The following NRXN1 variants were observed in gnomAD, a reference collection of about 807,000 sequenced individuals.
NRXN1 encodes neurexin 1.
NRXN1 carries 39 observed loss-of-function variants against 150.9 expected under a neutral mutation model. The ratio of observed to expected loss-of-function variants is 0.26; its 90% CI spans 0.20 to 0.34. NRXN1 has a LOEUF of 0.34. Ranked by LOEUF, NRXN1 falls within the 10% of genes least tolerant of loss-of-function variation. NRXN1 has a pLI of 1.00. For missense variants in NRXN1, 1,815 were observed against 1,949.9 expected (o/e 0.93, Z 1.30); for synonymous variants, 924 against 757.0 (o/e 1.22, Z -3.62).
chr2:50,858,458 A>G (rs1170155448), intron 5 of NRXN1, among the ~76,000 whole-genome samples: 1 of 152,046 alleles, frequency 6.6e-6, no homozygotes, highest in Non-Finnish European at 1.5e-5. Context: ...ATTTAAGTTG[A>G]GTAACAGCTT....
rs533493757 is a variant in NRXN1, at chr2:50,614,055, T to C, written c.1320+5967A>G. On this transcript the variant is annotated intron_variant, in intron 8 of 22. Coordinates refer to ENST00000401669, the MANE Select transcript of NRXN1 (RefSeq NM_001330078.2). ...GTGAAGTGGGAAAGCAAAAAGCAAC[T>C]GTCTTCCCGAAAGAGTGAGGGATGA... is the stretch of plus-strand genomic sequence containing the variant. 4.6e-5 allele frequency among the ~76,000 whole-genome samples: 7 copies of C among 152,278 alleles called. No individual in the cohort carries two copies. The South Asian group carries it at 1.5e-3, about 32-fold the overall frequency.
chr2:50,593,957 C>A (rs1014620644), intron 8 of NRXN1, among the ~76,000 whole-genome samples: 3 of 152,158 alleles, frequency 2.0e-5, no homozygotes, highest in Non-Finnish European at 4.4e-5. Context: ...TATTAATAAA[C>A]ATTGATACAT....
chr2:50,217,148 A>T (rs1036450566), intron 18 of NRXN1, among the ~76,000 whole-genome samples: 1 of 152,122 alleles, frequency 6.6e-6, no homozygotes, highest in Admixed American at 6.6e-5. Flanking sequence ...TAGCAAAAAC[A>T]GCACCTCCTA....
In NRXN1 at chr2:50,985,059, G is replaced by T. The variant is rs376170042; in HGVS notation, c.772+42443C>A. On this transcript the variant is annotated intron_variant, in intron 2 of 22. Transcript: ENST00000401669. ...CAGAATATATACTTTTTAAGATCCA[G>T]AAGAGTGCTAGAAAACAAATGACAG... is the stretch of plus-strand genomic sequence containing the variant. Among the ~76,000 whole-genome samples the T allele has an allele frequency of 4.4e-4, 67 of 151,978 alleles. 3 individuals are homozygous for T. In the South Asian group the frequency reaches 0.014, roughly 32 times the overall value.
chr2:50,419,582 G>A (rs868262965), intron 17 of NRXN1, among the ~76,000 whole-genome samples: 1 of 151,888 alleles, frequency 6.6e-6, no homozygotes, highest in Non-Finnish European at 1.5e-5. Context: ...AAAAAGAAAG[G>A]AAGGGAGGCA....
At chr2:50,839,504 T>C (rs1284524568) in intron 5 of NRXN1, among the ~76,000 whole-genome samples, 3 of 152,154 alleles carry the variant, frequency 2.0e-5, no homozygotes, top group African/African-American at 7.2e-5. Flanking sequence ...CTGATGTTAC[T>C]TGTAGGAACA....
intron 5 of NRXN1, among the ~76,000 whole-genome samples, chr2:50,907,726 G>A (rs1291074082): frequency 6.6e-6 from 1 of 151,934 alleles, no homozygotes; most frequent in Non-Finnish European, 1.5e-5. Flanking sequence ...AAGGAATATA[G>A]GCAGCCTCAA....
intron 5 of NRXN1, among the ~76,000 whole-genome samples, chr2:50,821,736 C>T (rs1021193563): frequency 7.2e-5 from 11 of 151,810 alleles, no homozygotes; most frequent in Admixed American, 2.6e-4. Flanking sequence ...ACATTGCACA[C>T]GTGAAAAAAG....
At chr2:50,185,189 A>G (rs2060986303) in intron 18 of NRXN1, among the ~76,000 whole-genome samples, 1 of 152,070 alleles carries the variant, frequency 6.6e-6, no homozygotes, top group African/African-American at 2.4e-5. Context: ...TAGAAGTACA[A>G]ACATAGTTAG....
intron 5 of NRXN1, among the ~76,000 whole-genome samples, chr2:50,653,713 C>A (rs915356377): frequency 1.3e-5 from 2 of 151,908 alleles, no homozygotes; most frequent in East Asian, 1.9e-4. Flanking sequence ...TATTAGTATA[C>A]CATAATCGTT....
At chr2:50,654,204 C>G (rs28534690) in intron 5 of NRXN1, among the ~76,000 whole-genome samples, 15 of 32,012 alleles carry the variant, frequency 4.7e-4, no homozygotes, top group African/African-American at 1.4e-3. Context: ...CAACAGGCCC[C>G]AGTGTGATGT....
intron 18 of NRXN1, among the ~76,000 whole-genome samples, chr2:50,173,972 T>C (rs2060188070): frequency 6.6e-6 from 1 of 152,118 alleles, no homozygotes; most frequent in Admixed American, 6.6e-5. Context: ...CTAAGTGTCT[T>C]TCTTCAGATG....
intron 21 of NRXN1, among the ~76,000 whole-genome samples, chr2:50,028,303 A>G (rs1374969638): frequency 1.3e-5 from 2 of 152,214 alleles, no homozygotes; most frequent in African/African-American, 4.8e-5. Context: ...CTTTAAAGAC[A>G]GGTTTTTACC....
chr2:50,060,037 C>T (rs896058480), intron 19 of NRXN1, among the ~76,000 whole-genome samples: 1 of 152,112 alleles, frequency 6.6e-6, no homozygotes, highest in Non-Finnish European at 1.5e-5. Flanking sequence ...AGAAGAGGGC[C>T]ACTGTCCTCC....
At chr2:50,034,784 C>T (rs1689766813) in intron 21 of NRXN1, among the ~76,000 whole-genome samples, 1 of 151,954 alleles carries the variant, frequency 6.6e-6, no homozygotes, top group Admixed American at 6.6e-5. Flanking sequence ...TACCCTATTT[C>T]TATCATATTT....
chr2:50,855,115 G>A (rs1346075944), intron 5 of NRXN1, among the ~76,000 whole-genome samples: 2 of 151,892 alleles, frequency 1.3e-5, no homozygotes, highest in Admixed American at 6.6e-5. Flanking sequence ...GAGGAAGAAC[G>A]TGGTGCAGTG....
At chr2:50,589,484 G>A (rs1341684727) in intron 8 of NRXN1, 1 of 146,730 alleles carries the variant, frequency 6.8e-6, no homozygotes, top group Non-Finnish European at 1.5e-5. Flanking sequence ...AGCCTCCTGA[G>A]TAGCTAGGAC....
chr2:50,261,760 G>T (rs1181527590), intron 17 of NRXN1, among the ~76,000 whole-genome samples: 2 of 151,772 alleles, frequency 1.3e-5, no homozygotes, highest in Non-Finnish European at 2.9e-5. Flanking sequence ...TCAGAGCAGT[G>T]TCTACACTCT....
chr2:49,958,948 GT>G (rs1465566194), intron 21 of NRXN1, among the ~76,000 whole-genome samples: 5 of 152,142 alleles, frequency 3.3e-5, no homozygotes, highest in Non-Finnish European at 7.4e-5. Flanking sequence ...TATCAGAGAG[GT>G]TCTCAAATGA....
Sources: allele counts gnomAD v4.1 joint callset (sites outside exome capture counted in the v4.1 genomes callset), GRCh38; gene constraint gnomAD v4.1.1; transcripts MANE v1.5; gene names NCBI Gene and HGNC (gene_info 2026-07-23, HGNC 2026-07-21).